Variants in NTHL1 observed in about 807,000 individuals in gnomAD.
NTHL1 encodes nth like DNA glycosylase 1, also known as endonuclease III-like protein 1.
Under a neutral mutation model 32.3 loss-of-function variants are expected in NTHL1, and 32 were observed. The observed-to-expected ratio is 0.99, with a 90% CI of 0.75 to 1.33. The LOEUF (loss-of-function observed/expected upper bound fraction) is 1.33, where lower values mean the gene tolerates loss of function less well. NTHL1 is among the 40% of genes most tolerant of loss of function. NTHL1 has a pLI of 0.00. For synonymous variants in NTHL1, 188 were observed against 176.9 expected (o/e 1.06, Z -0.50); for missense variants, 501 against 414.1 (o/e 1.21, Z -1.82).
chr16:2,041,170 C>T (rs556652328), intron 4 of NTHL1, among the ~76,000 whole-genome samples: 129 of 152,368 alleles, frequency 8.5e-4, no homozygotes, highest in Non-Finnish European at 1.6e-3. Context: ...AAAAAGGTGT[C>T]CGAGGGTGTG....
In NTHL1 at chr16:2,043,776, C is replaced by T. The variant is rs764104499; in HGVS notation, c.526-50G>A. ...CTTGGAGGCAAGGGCACAGCCCAAC[C>T]TGGGAGGATGCAGCCCCCAGGAGAC... is the stretch of plus-strand genomic sequence containing the variant. On this transcript the variant is annotated intron_variant, in intron 3 of 5. Coordinates refer to ENST00000651570, the MANE Select transcript of NTHL1 (RefSeq NM_002528.7). This position sits in a 1 kb window ranked among gnomAD's most constrained non-coding sequence, Gnocchi z 4.4. 2 of 1,604,556 alleles carry T rather than the reference C, an allele frequency of 1.2e-6. No individual in the cohort carries two copies. Among genetic ancestry groups the T allele is most frequent in the Non-Finnish European group, 1.7e-6 (2 of 1,178,624 alleles).
chr16:2,041,262 C>T (rs2084265510), intron 4 of NTHL1, among the ~76,000 whole-genome samples: 1 of 152,246 alleles, frequency 6.6e-6, no homozygotes, highest in South Asian at 2.1e-4. Context: ...AGTGGCCATG[C>T]TTCAAGGCTG....
chr16:2,043,372 T>A lies in NTHL1; in HGVS notation c.685+195A>T, dbSNP rs949069393. 4.8e-5 allele frequency: 33 copies of A among 685,866 alleles called. No individual in the cohort carries two copies. The highest frequency in any genetic ancestry group is 1.7e-5 in the Non-Finnish European group (7 of 406,716). The allele number at this position is 685,866 out of a possible 1,614,324, so 42.5% of individuals were successfully genotyped here. A position where few individuals can be genotyped will look rare whatever the true frequency, so the allele number is the denominator to read the frequency against. On this transcript the variant is annotated intron_variant, in intron 4 of 5. Coordinates refer to ENST00000651570, the MANE Select transcript of NTHL1 (RefSeq NM_002528.7). The surrounding 1 kb of genome is among the most constrained non-coding windows in gnomAD (Gnocchi z 4.4). ...TCAGAGCCCTGCACGGAGCAGGTGC[T>A]CAGCCCATGTGACCTCCTGCCCCAG...
At chr16:2,040,573 C>T (rs1235004901) in intron 4 of NTHL1, 6 of 452,208 alleles carry the variant, frequency 1.3e-5, no homozygotes, top group South Asian at 2.1e-5. Flanking sequence ...GGTGATGACT[C>T]GGCTCTGCTT....
At position 2,044,522 on chromosome 16, in the gene NTHL1, C is replaced by T; in HGVS notation, c.525+108G>A. 8 of 1,469,556 alleles carry T rather than the reference C, an allele frequency of 5.4e-6. No individual in the cohort carries two copies. Among genetic ancestry groups the T allele is most frequent in the Non-Finnish European group, 7.5e-6 (8 of 1,067,866 alleles). The allele number at this position is 1,469,556 out of a possible 1,614,324, so 91.0% of individuals were successfully genotyped here. A position where few individuals can be genotyped will look rare whatever the true frequency, so the allele number is the denominator to read the frequency against. On this transcript the variant is annotated intron_variant, in intron 3 of 5. Transcript: ENST00000651570. This position sits in a 1 kb window ranked among gnomAD's most constrained non-coding sequence, Gnocchi z 5.0. Reference sequence around the variant, plus strand: ...GGGGCTTCAGGGGGACCCCCCGAGCCTGAGATGCTTGACCCTCACTTCCTG... The same window carrying T: ...GGGGCTTCAGGGGGACCCCCCGAGCTTGAGATGCTTGACCCTCACTTCCTG...
chr16:2,047,259 G>A (rs1250953772), intron 1 of NTHL1: 1 of 197,254 alleles, frequency 5.1e-6, no homozygotes, highest in East Asian at 1.7e-4. Flanking sequence ...GGTCCTCAAC[G>A]GCTGCAGGAT....
In NTHL1 at chr16:2,040,166, T is replaced by C; in HGVS notation, c.758A>G (p.Glu253Gly). The C allele has an allele frequency of 6.2e-7, 1 of 1,613,982 alleles. No individual in the cohort carries two copies. The highest frequency in any genetic ancestry group is 2.2e-5 in the East Asian group (1 of 44,880). Reference sequence around the variant, plus strand: ...CCACTCCTCCAGGGCGGCGCGGGTCTCCTCTGGGGACTTGGTTGCCTTCTT... The same window carrying C: ...CCACTCCTCCAGGGCGGCGCGGGTCCCCTCTGGGGACTTGGTTGCCTTCTT... ...WTKKATKSPEETRAALEEWLP... is the reference protein window; with the variant it reads ...WTKKATKSPEGTRAALEEWLP... The change falls in exon 5 of 6, where the codon GAG becomes GGG. Residue 253 changes from glutamate to glycine, a missense_variant. Physicochemically the swap from Glu to Gly is moderately conservative, Grantham distance 98. Coordinates refer to ENST00000651570, the MANE Select transcript of NTHL1 (RefSeq NM_002528.7).
At chr16:2,046,929 AAC>A (rs1231040267) in intron 1 of NTHL1, 1 of 153,964 alleles carries the variant, frequency 6.5e-6, no homozygotes, top group Non-Finnish European at 1.4e-5. Context: ...CTGAGATCAC[AAC>A]ACTCCACTAC....
intron 2 of NTHL1, among the ~76,000 whole-genome samples, chr16:2,045,102 C>A (rs922204289): frequency 6.6e-6 from 1 of 152,180 alleles, no homozygotes; most frequent in African/African-American, 2.4e-5. Context: ...TTCGGGAGGC[C>A]AAGGCAGGCG....
In NTHL1 at chr16:2,044,760, C is replaced by T. The variant is rs377360166; in HGVS notation, c.395G>A (p.Ser132Asn). Residue 132 changes from serine (S) to asparagine (N), a missense_variant, in exon 3 of 6, where the codon AGC (serine) becomes AAC (asparagine). Physicochemically the swap from Ser to Asn is conservative, Grantham distance 46. Transcript: ENST00000651570. The surrounding 1 kb of genome is among the most constrained non-coding windows in gnomAD (Gnocchi z 5.0). ...CGCCGTCACCTGGTCTTTGGTTTGG[C>T]TGGAGAGCATCAGTGACAGCAGCAC... ...YQVLLSLMLS[S>N]QTKDQVTAGA... 6.2e-7 allele frequency: 1 copy of T among 1,611,810 alleles called. No homozygotes were observed. The highest frequency in any genetic ancestry group is 1.1e-5 in the South Asian group (1 of 90,964).
chr16:2,042,113 G>C, intron 4 of NTHL1: 1 of 455,716 alleles, frequency 2.2e-6, no homozygotes, highest in South Asian at 1.5e-5. Flanking sequence ...GGCAGCCCTG[G>C]GGTCTCCTTG....
At chr16:2,047,411 G>T in intron 1 of NTHL1, 1 of 474,350 alleles carries the variant, frequency 2.1e-6, no homozygotes, top group African/African-American at 2.1e-5. Context: ...GGGCGGGGAT[G>T]GGACCCACAG....
chr16:2,046,244 C>G lies in NTHL1; in HGVS notation c.238G>C (p.Glu80Gln). Reference protein sequence around the residue: ...GAEPLKVPVWEPQDWQQQLVN... With the variant: ...GAEPLKVPVWQPQDWQQQLVN... ...AGCTGTTGCTGCCAGTCCTGGGGCT[C>G]CCAGACTGGCACCTTGAGGGGCTCA... is the stretch of plus-strand genomic sequence containing the variant. Residue 80 changes from glutamate to glutamine, a missense_variant, in exon 2 of 6, where the codon GAG becomes CAG. Coordinates refer to ENST00000651570, the MANE Select transcript of NTHL1 (RefSeq NM_002528.7). 6.2e-7 allele frequency: 1 copy of G among 1,613,250 alleles called. No homozygotes were observed.
At chr16:2,045,816 T>G (rs1299018826) in intron 2 of NTHL1, among the ~76,000 whole-genome samples, 11 of 152,180 alleles carry the variant, frequency 7.2e-5, no homozygotes, top group Admixed American at 7.2e-4. Flanking sequence ...GAATAGGGAT[T>G]AGAACTCAGC....
Position 2,045,999 on chromosome 16 carries a change from G to C in NTHL1, c.354+129C>G, listed in dbSNP as rs1325582999. ...ACAGTGATGCAGGCGATGCTCTGGG[G>C]CACCGGGTGTCCATCCTCCCAAGGT... On this transcript the variant is annotated intron_variant, in intron 2 of 5. Coordinates refer to ENST00000651570, the MANE Select transcript of NTHL1 (RefSeq NM_002528.7). The C allele has an allele frequency of 8.2e-6, 6 of 734,896 alleles. No homozygotes were observed. In the African/African-American group the frequency reaches 1.0e-4, roughly 13 times the overall value. The allele number at this position is 734,896 out of a possible 1,614,324, so 45.5% of individuals were successfully genotyped here. A position where few individuals can be genotyped will look rare whatever the true frequency, so the allele number is the denominator to read the frequency against.
rs1040112111 is a variant in NTHL1 at position 2,040,529 on chromosome 16, G to T, written c.686-291C>A. On this transcript the variant is annotated intron_variant, in intron 4 of 5. Coordinates refer to ENST00000651570, the MANE Select transcript of NTHL1 (RefSeq NM_002528.7). ...AACACTGGTGCTAGTTGGATGTGTG[G>T]GTGGTGGGGTCTCTGCTTTGGGCAG... 1.5e-5 allele frequency: 8 copies of T among 522,122 alleles called. No homozygotes were observed. In the South Asian group the frequency reaches 1.6e-4, roughly 10 times the overall value. The allele number at this position is 522,122 out of a possible 1,614,324, so 32.3% of individuals were successfully genotyped here. A position where few individuals can be genotyped will look rare whatever the true frequency, so the allele number is the denominator to read the frequency against.
chr16:2,040,264 CAG>C (rs748325086), intron 4 of NTHL1, 26 bp from the exon 5 acceptor site: 46 of 1,600,046 alleles, frequency 2.9e-5, no homozygotes, highest in African/African-American at 4.0e-5. Flanking sequence ...GCGGGGTGAA[CAG>C]GGGCACACTC....
In NTHL1 at chr16:2,046,137, G is replaced by A. The variant is rs781125710; in HGVS notation, c.345C>T (p.Ala115=). ...LGTEHCYDSS[A]PPKVRRYQVL... is the part of the protein sequence containing the mutation. ...TGGGGCCCCTGCCTACCTTTGGGGG[G>A]GCACTGGAGTCATAGCAGTGCTCAG... The change falls in exon 2 of 6, where the codon GCC becomes GCT. Residue 115 remains alanine (A), a synonymous_variant. Transcript: ENST00000651570. 24 of 1,611,902 alleles carry A rather than the reference G, an allele frequency of 1.5e-5. 1 individual carries two copies. In the Middle Eastern group the frequency reaches 6.6e-4, roughly 44 times the overall value.
At chr16:2,047,591 G>A (rs566093289) in intron 1 of NTHL1, 118 bp downstream of exon 1, 4 of 1,421,114 alleles carry the variant, frequency 2.8e-6, no homozygotes, top group South Asian at 1.5e-5. Context: ...AACCGTTCGC[G>A]GCTGCCGGGT....
Sources: allele counts gnomAD v4.1 joint callset (sites outside exome capture counted in the v4.1 genomes callset), GRCh38; gene constraint gnomAD v4.1.1; non-coding constraint Gnocchi (gnomAD v3.1); transcripts MANE v1.5; gene names NCBI Gene and HGNC (gene_info 2026-07-23, HGNC 2026-07-21).